FAM53C: variants seen among roughly 807,000 people sequenced by gnomAD.
FAM53C encodes the protein protein FAM53C.
A neutral mutation model predicts 34.7 loss-of-function variants in FAM53C; 10 were observed. The observed-to-expected ratio is 0.29, with a 90% CI of 0.18 to 0.49. FAM53C has a LOEUF of 0.49. FAM53C is among the 20% of genes least tolerant of loss of function. FAM53C has a pLI of 0.99. For missense variants in FAM53C, 442 were observed against 515.3 expected (o/e 0.86, Z 1.38); for synonymous variants, 203 against 203.6 (o/e 1.00, Z 0.03).
Position 138,345,748 on chromosome 5 carries a change from C to A in FAM53C, c.921+139C>A. ...TCCTTTAGCTCTTAGCTAGGGTGAC[C>A]TACCATCCCAGTTTGCCTGGGACTG... is the stretch of plus-strand genomic sequence containing the variant. On this transcript the variant is annotated intron_variant, in intron 4 of 4. Transcript: ENST00000239906. The surrounding 1 kb of genome is among the most constrained non-coding windows in gnomAD (Gnocchi z 6.3). 9.7e-7 allele frequency: 1 copy of A among 1,027,486 alleles called. No individual in the cohort carries two copies. The highest frequency in any genetic ancestry group is 1.4e-6 in the Non-Finnish European group (1 of 712,324). The allele number at this position is 1,027,486 out of a possible 1,614,324, so 63.6% of individuals were successfully genotyped here.
intron 1 of FAM53C, among the ~76,000 whole-genome samples, chr5:138,338,681 G>A (rs1018636509): frequency 4.0e-5 from 6 of 151,678 alleles, no homozygotes; most frequent in South Asian, 4.1e-4. Flanking sequence ...AAGATTGGAG[G>A]GGCCTAGCCT....
At position 138,348,310 on chromosome 5, in the gene FAM53C, T is replaced by G. The variant is rs1035799567; in HGVS notation, c.*1351T>G. On this transcript the variant is annotated 3_prime_UTR_variant, in exon 5 of 5. Transcript: ENST00000239906. ...ACTTTTTTGTTTCTCACCCGCAACT[T>G]GAGCCAGGACAGCTGGTCCAAGTGG... is the stretch of plus-strand genomic sequence containing the variant. 1 of 152,644 alleles carries G rather than the reference T, an allele frequency of 6.6e-6. No homozygotes were observed. Among genetic ancestry groups the G allele is most frequent in the Admixed American group, 6.5e-5 (1 of 15,284 alleles). 9.5% of individuals were successfully genotyped at this position (152,644 alleles called of 1,614,324 possible).
Position 138,345,513 on chromosome 5 carries a change from T to C in FAM53C, c.825T>C (p.Pro275=). The change falls in exon 4 of 5, where the codon CCT becomes CCC. Residue 275 remains proline (P), a synonymous_variant. Coordinates refer to ENST00000239906, the MANE Select transcript of FAM53C (RefSeq NM_016605.3). This position sits in a 1 kb window ranked among gnomAD's most constrained non-coding sequence, Gnocchi z 6.3. ...LRNLPRSRSQ[P]CDLDARKTGV... ...ACCTTCCCCGAAGCCGCTCACAGCC[T>C]TGTGATCTGGATGCCCGCAAAACTG... 6.2e-7 allele frequency: 1 copy of C among 1,614,054 alleles called. No individual in the cohort carries two copies. Among genetic ancestry groups the C allele is most frequent in the Non-Finnish European group, 8.5e-7 (1 of 1,180,038 alleles).
chr5:138,344,411 G>C (rs1056900819), intron 3 of FAM53C, among the ~76,000 whole-genome samples: 1 of 152,248 alleles, frequency 6.6e-6, no homozygotes, highest in African/African-American at 2.4e-5. Flanking sequence ...CAGCATCCAG[G>C]GCAAGCGTGG....
chr5:138,341,849 C>G lies in FAM53C; in HGVS notation c.119C>G (p.Ser40Cys). Residue 40 changes from serine (S) to cysteine (C), a missense_variant, in exon 3 of 5, where the codon TCT (serine) becomes TGT (cysteine). By Grantham distance (112) the Ser-to-Cys change is moderately radical. Coordinates refer to ENST00000239906, the MANE Select transcript of FAM53C (RefSeq NM_016605.3). ...DHADISNCGN[S>C]FQLVSEGASW... ...GCAGACATCTCCAACTGTGGGAACT[C>G]TTTCCAGCTTGTGTCTGGTAAGGCA... is the stretch of plus-strand genomic sequence containing the variant. The G allele has an allele frequency of 1.9e-6, 3 of 1,614,196 alleles. No individual in the cohort carries two copies. The highest frequency in any genetic ancestry group is 2.5e-6 in the Non-Finnish European group (3 of 1,180,022).
In FAM53C at chr5:138,345,653, A is replaced by G. The variant is rs376990415; in HGVS notation, c.921+44A>G. On this transcript the variant is annotated intron_variant, in intron 4 of 4. Transcript: ENST00000239906. The surrounding 1 kb of genome is among the most constrained non-coding windows in gnomAD (Gnocchi z 6.3). ...GGGGAGCTTAGATGGGAGTGTGGGG[A>G]CTGTTCTGTTTCCACTTTTGAGCTA... The G allele has an allele frequency of 1.1e-5, 18 of 1,570,434 alleles. No individual in the cohort carries two copies. The highest frequency in any genetic ancestry group is 5.3e-5 in the Admixed American group (3 of 56,222).
chr5:138,345,180 A>G lies in FAM53C; in HGVS notation c.492A>G (p.Pro164=). 5 of 1,614,096 alleles carry G rather than the reference A, an allele frequency of 3.1e-6. No individual in the cohort carries two copies. Among genetic ancestry groups the G allele is most frequent in the Non-Finnish European group, 4.2e-6 (5 of 1,179,992 alleles). The part of the protein sequence containing the change: ...GGPQVPHQSP[P]KRVSSLRFLQ... ...CGCAGGTGCCTCACCAGAGCCCCCC[A>G]AAGCGGGTCTCCAGCCTCAGGTTCC... The change falls in exon 4 of 5, where the codon CCA becomes CCG. Residue 164 remains proline, a synonymous_variant. Coordinates refer to ENST00000239906, the MANE Select transcript of FAM53C (RefSeq NM_016605.3). The surrounding 1 kb of genome is among the most constrained non-coding windows in gnomAD (Gnocchi z 6.3).
chr5:138,347,156 G>A lies in FAM53C; in HGVS notation c.*197G>A. 1 of 739,108 alleles carries A rather than the reference G, an allele frequency of 1.4e-6. No homozygotes were observed. Among genetic ancestry groups the A allele is most frequent in the Non-Finnish European group, 2.2e-6 (1 of 463,766 alleles). 45.8% of individuals were successfully genotyped at this position (739,108 alleles called of 1,614,324 possible). ...TGGCCGGGACAAGATAAACGGAGCT[G>A]GTGGCGGGAGGGACAGCCCCAGAGC... On this transcript the variant is annotated 3_prime_UTR_variant, in exon 5 of 5. Transcript: ENST00000239906.
chr5:138,345,686 G>T lies in FAM53C; in HGVS notation c.921+77G>T. On this transcript the variant is annotated intron_variant, in intron 4 of 4. Coordinates refer to ENST00000239906, the MANE Select transcript of FAM53C (RefSeq NM_016605.3). The surrounding 1 kb of genome is among the most constrained non-coding windows in gnomAD (Gnocchi z 6.3). ...GTTTCCACTTTTGAGCTAGCCCCTA[G>T]CTTCATTACCCTGCCGCCCCCACCA... 1 of 1,507,088 alleles carries T rather than the reference G, an allele frequency of 6.6e-7. No individual in the cohort carries two copies. Among genetic ancestry groups the T allele is most frequent in the Non-Finnish European group, 9.0e-7 (1 of 1,114,380 alleles). 93.4% of individuals were successfully genotyped at this position (1,507,088 alleles called of 1,614,324 possible).
Position 138,346,886 on chromosome 5 carries a change from A to AGGCGCTGAGCAAGCG in FAM53C, c.1108_1122dup (p.Ala370_Arg374dup), listed in dbSNP as rs751489179. ...GAGGGGGCTGTGCGGTGGGGTCGGC[A>AGGCGCTGAGCAAGCG]GGCGCTGAGCAAGCGGACACTGTGC... On this transcript the variant is annotated inframe_insertion, in exon 5 of 5. Coordinates refer to ENST00000239906, the MANE Select transcript of FAM53C (RefSeq NM_016605.3). The AGGCGCTGAGCAAGCG allele has an allele frequency of 6.8e-6, 11 of 1,614,056 alleles. No individual in the cohort carries two copies. Among genetic ancestry groups the AGGCGCTGAGCAAGCG allele is most frequent in the Non-Finnish European group, 9.3e-6 (11 of 1,180,050 alleles).
Position 138,341,204 on chromosome 5 carries a change from G to A in FAM53C, c.-132G>A. On this transcript the variant is annotated 5_prime_UTR_variant, in exon 2 of 5. Transcript: ENST00000239906. ...GGCAGACTCAGCAGGCATGACTGGA[G>A]AGGGAAGTCCCAATGGTGCTAGAAT... 1 of 806,454 alleles carries A rather than the reference G, an allele frequency of 1.2e-6. No individual in the cohort carries two copies. Among genetic ancestry groups the A allele is most frequent in the Non-Finnish European group, 2.2e-6 (1 of 447,072 alleles). The allele number at this position is 806,454 out of a possible 1,614,324, so 50.0% of individuals were successfully genotyped here.
At chr5:138,339,043 G>C (rs1462682764) in intron 1 of FAM53C, among the ~76,000 whole-genome samples, 1 of 152,246 alleles carries the variant, frequency 6.6e-6, no homozygotes, top group Non-Finnish European at 1.5e-5. Context: ...TGGAGGGAAA[G>C]CCTGGACTGA....
intron 1 of FAM53C, among the ~76,000 whole-genome samples, chr5:138,340,334 T>G (rs1181399360): frequency 6.6e-6 from 1 of 152,236 alleles, no homozygotes; most frequent in African/African-American, 2.4e-5. Context: ...TGGTAAGCTG[T>G]CAGCTTGCTG....
chr5:138,337,807 G>A (rs1369356798), upstream of FAM53C: 7 of 443,140 alleles, frequency 1.6e-5, no homozygotes, highest in South Asian at 1.1e-4. Context: ...GGGGGAAGGG[G>A]GATTCCTTCG....
upstream of FAM53C, chr5:138,337,670 C>T: frequency 3.1e-6 from 1 of 320,862 alleles, no homozygotes; most frequent in South Asian, 2.5e-5. Context: ...CATTATAAGT[C>T]CTGGGTTTTT....
chr5:138,341,895 G>A (rs773955564), intron 3 of FAM53C, 29 bp downstream of exon 3: 1 of 1,607,944 alleles, frequency 6.2e-7, no homozygotes, highest in Admixed American at 1.7e-5. Flanking sequence ...TTGTGTACGT[G>A]TGTGTACCCA....
Position 138,345,354 on chromosome 5 carries a change from G to T in FAM53C, c.666G>T (p.Leu222Phe). 1 of 1,614,146 alleles carries T rather than the reference G, an allele frequency of 6.2e-7. No homozygotes were observed. Among genetic ancestry groups the T allele is most frequent in the African/African-American group, 1.3e-5 (1 of 75,048 alleles). ...SGSWESDAES[L>F]SPCPPQRRFS... ...CCTGGGAGAGTGATGCTGAGTCCTT[G>T]TCACCTTGCCCACCTCAGCGCCGCT... The change falls in exon 4 of 5, where the codon TTG becomes TTT. Residue 222 changes from leucine (L) to phenylalanine (F), a missense_variant. Leu to Phe is a conservative substitution (Grantham distance 22). Coordinates refer to ENST00000239906, the MANE Select transcript of FAM53C (RefSeq NM_016605.3). This position sits in a 1 kb window ranked among gnomAD's most constrained non-coding sequence, Gnocchi z 6.3.
chr5:138,339,403 T>C (rs1428855250), intron 1 of FAM53C, among the ~76,000 whole-genome samples: 1 of 152,190 alleles, frequency 6.6e-6, no homozygotes, highest in Non-Finnish European at 1.5e-5. Flanking sequence ...GGTAGTTGCA[T>C]TGTTCCAATT....
rs1337442980 is a variant in FAM53C at position 138,347,373 on chromosome 5, T to A, written c.*414T>A. Reference sequence around the variant, plus strand: ...CCTCCTCAGAGAAACTGCGTGAGAGTGTGTGCGTGCATGGGAGTGTACTTG... The same window carrying A: ...CCTCCTCAGAGAAACTGCGTGAGAGAGTGTGCGTGCATGGGAGTGTACTTG... On this transcript the variant is annotated 3_prime_UTR_variant, in exon 5 of 5. Coordinates refer to ENST00000239906, the MANE Select transcript of FAM53C (RefSeq NM_016605.3). 3.8e-6 allele frequency: 1 copy of A among 261,306 alleles called. No individual in the cohort carries two copies. Among genetic ancestry groups the A allele is most frequent in the Non-Finnish European group, 7.5e-6 (1 of 133,776 alleles). 16.2% of individuals were successfully genotyped at this position (261,306 alleles called of 1,614,324 possible). A position where few individuals can be genotyped will look rare whatever the true frequency, so the allele number is the denominator to read the frequency against.
Sources: allele counts gnomAD v4.1 joint callset (sites outside exome capture counted in the v4.1 genomes callset), GRCh38; gene constraint gnomAD v4.1.1; non-coding constraint Gnocchi (gnomAD v3.1); transcripts MANE v1.5; gene names NCBI Gene and HGNC (gene_info 2026-07-23, HGNC 2026-07-21).